The following ZNF578 variants were observed in gnomAD, a reference collection of about 807,000 sequenced individuals.
ZNF578 encodes the protein zinc finger protein 578.
A neutral mutation model predicts 8.3 loss-of-function variants in ZNF578; 8 were observed. The observed-to-expected ratio is 0.96, with a 90% CI of 0.56 to 1.74. The LOEUF (loss-of-function observed/expected upper bound fraction) is 1.74. Ranked by LOEUF, ZNF578 falls within the 40% of genes most tolerant of loss-of-function variation. The probability of loss-of-function intolerance (pLI) is 0.00; values close to 1 mark genes in which losing one functional copy is unlikely to be tolerated. For missense variants in ZNF578, 726 were observed against 707.5 expected (o/e 1.03, Z -0.30); for synonymous variants, 206 against 232.2 (o/e 0.89, Z 1.03).
chr19:52,486,303 G>A (rs922969134), intron 2 of ZNF578, among the ~76,000 whole-genome samples: 3 of 152,056 alleles, frequency 2.0e-5, no homozygotes, highest in African/African-American at 7.2e-5. Context: ...CCCCCTCTCT[G>A]AGATGGTAGA....
intron 2 of ZNF578, among the ~76,000 whole-genome samples, chr19:52,480,931 A>T (rs1232594412): frequency 6.8e-6 from 1 of 147,982 alleles, no homozygotes; most frequent in Non-Finnish European, 1.5e-5. Flanking sequence ...AATAATAATA[A>T]TAATAATAAT....
At chr19:52,507,302 C>T (rs1210928462) in intron 5 of ZNF578, among the ~76,000 whole-genome samples, 4 of 152,094 alleles carry the variant, frequency 2.6e-5, no homozygotes, top group Admixed American at 2.0e-4. Context: ...ATGGGAGAAT[C>T]ACTTGAACCT....
chr19:52,474,018 G>A (rs964214390), intron 2 of ZNF578: 34 of 395,620 alleles, frequency 8.6e-5, no homozygotes, highest in Admixed American at 3.6e-4. Context: ...CTCCAATGTC[G>A]TGCAAGGTGT....
intron 3 of ZNF578, among the ~76,000 whole-genome samples, chr19:52,496,986 G>C (rs2059389162): frequency 6.6e-6 from 1 of 152,098 alleles, no homozygotes; most frequent in South Asian, 2.1e-4. Flanking sequence ...AGGCTGGAGT[G>C]CAGTGGCAGG....
chr19:52,480,586 G>A (rs904420775), intron 2 of ZNF578, among the ~76,000 whole-genome samples: 1 of 149,414 alleles, frequency 6.7e-6, no homozygotes, highest in Non-Finnish European at 1.5e-5. Flanking sequence ...AGGTGCAGAT[G>A]TAAGGATTTA....
At chr19:52,507,119 G>A (rs2059428134) in intron 5 of ZNF578, among the ~76,000 whole-genome samples, 1 of 152,186 alleles carries the variant, frequency 6.6e-6, no homozygotes, top group South Asian at 2.1e-4. Flanking sequence ...TGGTCGTGAT[G>A]GCTCACGCCT....
intron 2 of ZNF578, among the ~76,000 whole-genome samples, chr19:52,466,408 C>T (rs2059275369): frequency 6.6e-6 from 1 of 152,180 alleles, no homozygotes; most frequent in Admixed American, 6.5e-5. Context: ...GGCTTTCCTC[C>T]TCAGAGGCCT....
rs574334474 is a variant in ZNF578 at position 52,466,045 on chromosome 19, G to T, written c.-122+9087G>T. On this transcript the variant is annotated intron_variant, in intron 2 of 5. Coordinates refer to ENST00000421239, the MANE Select transcript of ZNF578 (RefSeq NM_001099694.2). Reference sequence around the variant, plus strand: ...GGGCCACGGGGCCAGATTCAAGGTAGGAGCCTGCAAAAGGCCCTGATCTCT... The same window carrying T: ...GGGCCACGGGGCCAGATTCAAGGTATGAGCCTGCAAAAGGCCCTGATCTCT... Among the ~76,000 whole-genome samples the T allele has an allele frequency of 7.2e-5, 11 of 152,328 alleles. No individual in the cohort carries two copies. The South Asian group carries it at 2.3e-3, about 32-fold the overall frequency.
rs570580453 is a variant in ZNF578 at position 52,514,134 on chromosome 19, C to A, written c.*1980C>A. On this transcript the variant is annotated 3_prime_UTR_variant, in exon 6 of 6. Coordinates refer to ENST00000421239, the MANE Select transcript of ZNF578 (RefSeq NM_001099694.2). ...CTCTTCAGTTCTCTATTTATTTTTT[C>A]TTTTTTGCAGATTGAGTTTGAGATA... 2.2e-4 allele frequency among the ~76,000 whole-genome samples: 33 copies of A among 150,860 alleles called. No homozygotes were observed. The highest frequency in any genetic ancestry group is 4.1e-4 in the Non-Finnish European group (28 of 67,588).
At chr19:52,509,449 T>A (rs2059436722) in intron 5 of ZNF578, among the ~76,000 whole-genome samples, 1 of 152,182 alleles carries the variant, frequency 6.6e-6, no homozygotes, top group South Asian at 2.1e-4. Context: ...GCATATGGCT[T>A]TTCAGTATGT....
chr19:52,507,766 C>G (rs1280290526), intron 5 of ZNF578, among the ~76,000 whole-genome samples: 2 of 151,990 alleles, frequency 1.3e-5, no homozygotes, highest in Non-Finnish European at 2.9e-5. Context: ...ATCACTAGTC[C>G]TGGCTGGACG....
At chr19:52,459,777 T>C (rs1479444002) in intron 2 of ZNF578, among the ~76,000 whole-genome samples, 1 of 63,852 alleles carries the variant, frequency 1.6e-5, no homozygotes, top group African/African-American at 6.0e-5. Context: ...ATATTTTTTT[T>C]TTTTTTTTTT....
At chr19:52,474,664 C>T in intron 2 of ZNF578, 1 of 304,360 alleles carries the variant, frequency 3.3e-6, no homozygotes, top group Non-Finnish European at 6.8e-6. Context: ...AGTATGAATT[C>T]TCTGATGATT....
chr19:52,455,454 C>G (rs2059236886), intron 1 of ZNF578: 1 of 152,356 alleles, frequency 6.6e-6, no homozygotes, highest in Non-Finnish European at 1.5e-5. Context: ...CTCGGCCTCC[C>G]AAAGTGCTGG....
intron 4 of ZNF578, among the ~76,000 whole-genome samples, chr19:52,504,000 G>A (rs2059416537): frequency 6.6e-6 from 1 of 152,016 alleles, no homozygotes; most frequent in South Asian, 2.1e-4. Flanking sequence ...GTTTTGCCAT[G>A]TTGGCCAGGA....
chr19:52,505,607 G>A (rs1280589223), intron 5 of ZNF578, among the ~76,000 whole-genome samples: 2 of 151,762 alleles, frequency 1.3e-5, no homozygotes, highest in Non-Finnish European at 2.9e-5. Flanking sequence ...TGTATTTTTA[G>A]TAGAGACGGG....
In ZNF578 at chr19:52,482,595, G is replaced by A. The variant is rs754282145; in HGVS notation, c.-121-8729G>A. Among the ~76,000 whole-genome samples, 13 of 151,318 alleles carry A rather than the reference G, an allele frequency of 8.6e-5. No homozygotes were observed. In the South Asian group the frequency reaches 1.5e-3, roughly 17 times the overall value. ...ACAGGTTGCAGTGAGCCAAGGTTGC[G>A]CCACTGCACACCAGCCTGGGCAACA... On this transcript the variant is annotated intron_variant, in intron 2 of 5. Transcript: ENST00000421239.
chr19:52,502,656 G>C (rs1190046256), intron 4 of ZNF578, among the ~76,000 whole-genome samples: 1 of 152,164 alleles, frequency 6.6e-6, no homozygotes, highest in East Asian at 1.9e-4. Flanking sequence ...AGAATCGCTT[G>C]AGCCCAGGAG....
intron 5 of ZNF578, among the ~76,000 whole-genome samples, chr19:52,509,037 G>C (rs904416184): frequency 6.6e-6 from 1 of 151,154 alleles, no homozygotes; most frequent in Non-Finnish European, 1.5e-5. Flanking sequence ...AAGTAGCTGA[G>C]ATAACAGGCA....
Sources: allele counts gnomAD v4.1 joint callset (sites outside exome capture counted in the v4.1 genomes callset), GRCh38; gene constraint gnomAD v4.1.1; transcripts MANE v1.5; gene names NCBI Gene and HGNC (gene_info 2026-07-23, HGNC 2026-07-21).